The following ZNF462 variants were observed in gnomAD, a reference collection of about 807,000 sequenced individuals.
The protein encoded by ZNF462 is zinc finger PBX1-interacting protein.
A neutral mutation model predicts 201.9 loss-of-function variants in ZNF462; 10 were observed. The observed-to-expected ratio is 0.05, with a 90% CI of 0.03 to 0.08. ZNF462 has a LOEUF of 0.08. Among genes scored for constraint, ZNF462 ranks in the 10% least tolerant of loss-of-function variants. ZNF462 has a pLI of 1.00. For synonymous variants in ZNF462, 1,227 were observed against 1,193.3 expected, an observed-to-expected ratio of 1.03 and a Z score of -0.58; for missense variants, 2,523 against 3,168.3, an observed-to-expected ratio of 0.80 and a Z score of 4.89.
At chr9:106,900,145 T>C (rs960570896) in intron 1 of ZNF462, among the ~76,000 whole-genome samples, 1 of 152,030 alleles carries the variant, frequency 6.6e-6, no homozygotes, top group Non-Finnish European at 1.5e-5. Flanking sequence ...TCCAGTCTTA[T>C]CCAGGTCACT....
intron 1 of ZNF462, among the ~76,000 whole-genome samples, chr9:106,873,684 T>C (rs1827699774): frequency 6.6e-6 from 1 of 152,184 alleles, no homozygotes; most frequent in Non-Finnish European, 1.5e-5. Flanking sequence ...GATGAGTGCT[T>C]TGGTTTTATT....
In ZNF462 at chr9:106,977,597, C is replaced by T. The variant is rs1028671921; in HGVS notation, c.6832+3324C>T. On this transcript the variant is annotated intron_variant, in intron 9 of 12. Coordinates refer to ENST00000277225, the MANE Select transcript of ZNF462 (RefSeq NM_021224.6). The surrounding 1 kb of genome is among the most constrained non-coding windows in gnomAD (Gnocchi z 4.6). ...GCAAACATTCATTATTTGCTTGTTA[C>T]GTGCCACGCTATGCTTGGTTCTTTG... Among the ~76,000 whole-genome samples the T allele has an allele frequency of 6.6e-6, 1 of 151,572 alleles. No homozygotes were observed. Among genetic ancestry groups the T allele is most frequent in the African/African-American group, 2.4e-5 (1 of 40,858 alleles).
At position 106,930,525 on chromosome 9, in the gene ZNF462, C is replaced by T. The variant is rs1830383302; in HGVS notation, c.5848C>T (p.Pro1950Ser). ...GATGGCTACCACTGTATTTTACCAG[C>T]CTTTTGGTCACTTAGAAGAGGTGCC... ...GAFADFKQER[P>S]FGHLEEVPKI... The change falls in exon 4 of 13, where the codon CCT becomes TCT. Residue 1950 changes from proline to serine, a missense_variant and splice_region_variant. By Grantham distance (74) the Pro-to-Ser change is moderately conservative. Around this residue, in one of 15 missense-constraint regions of ZNF462, gnomAD observed 107 missense variants for 187.7 expected, o/e 0.57. Transcript: ENST00000277225. The surrounding 1 kb of genome is among the most constrained non-coding windows in gnomAD (Gnocchi z 5.8). 1 of 1,614,048 alleles carries T rather than the reference C, an allele frequency of 6.2e-7. No individual in the cohort carries two copies. Among genetic ancestry groups the T allele is most frequent in the Non-Finnish European group, 8.5e-7 (1 of 1,179,956 alleles).
In ZNF462 at chr9:106,928,764, C is replaced by T. The variant is rs1830306624; in HGVS notation, c.4852C>T (p.Pro1618Ser). Residue 1618 changes from proline (P) to serine (S), a missense_variant, in exon 3 of 13, where the codon CCC becomes TCC. Coordinates refer to ENST00000277225, the MANE Select transcript of ZNF462 (RefSeq NM_021224.6). This position sits in a 1 kb window ranked among gnomAD's most constrained non-coding sequence, Gnocchi z 9.3. ...CCAGTCGCCCCCGAAGCTGCCAGTC[C>T]CCCTCGAGCCCGAGATGACCACTGA... ...FSQSPPKLPV[P>S]LEPEMTTEVS... 8 of 1,613,962 alleles carry T rather than the reference C, an allele frequency of 5.0e-6. No homozygotes were observed. Among genetic ancestry groups the T allele is most frequent in the Non-Finnish European group, 6.8e-6 (8 of 1,180,022 alleles).
intron 1 of ZNF462, among the ~76,000 whole-genome samples, chr9:106,898,514 T>C (rs550782392): frequency 6.6e-6 from 1 of 152,220 alleles, no homozygotes. Flanking sequence ...GCTACCAGCA[T>C]CTAGTGGGGA....
rs1829874363 is a variant in ZNF462 at position 107,010,528 on chromosome 9, A to G, written c.7314-295A>G. 6.6e-6 allele frequency among the ~76,000 whole-genome samples: 1 copy of G among 152,174 alleles called. No individual in the cohort carries two copies. The highest frequency in any genetic ancestry group is 1.5e-5 in the Non-Finnish European group (1 of 68,028). ...ATGACCCAGTAGAGAAAGTGACATAAAATGATTATGCTTATCTAGAAAGAA... is the reference window on the plus strand; with the variant it reads ...ATGACCCAGTAGAGAAAGTGACATAGAATGATTATGCTTATCTAGAAAGAA... On this transcript the variant is annotated intron_variant, in intron 12 of 12. Transcript: ENST00000277225. The surrounding 1 kb of genome is among the most constrained non-coding windows in gnomAD (Gnocchi z 4.6).
intron 1 of ZNF462, among the ~76,000 whole-genome samples, chr9:106,871,839 T>C (rs1304093308): frequency 6.6e-6 from 1 of 152,176 alleles, no homozygotes. Context: ...GAAAATGTGA[T>C]AGTCCTCTCT....
At chr9:107,002,635 C>T (rs1451335667) in intron 10 of ZNF462, among the ~76,000 whole-genome samples, 1 of 152,156 alleles carries the variant, frequency 6.6e-6, no homozygotes, top group Admixed American at 6.6e-5. Context: ...CCATAGTTAA[C>T]ACTTTTAAAG....
rs1195572638 is a variant in ZNF462 at position 106,924,900 on chromosome 9, A to C, written c.988A>C (p.Arg330=). 2 of 1,614,202 alleles carry C rather than the reference A, an allele frequency of 1.2e-6. No individual in the cohort carries two copies. The highest frequency in any genetic ancestry group is 2.2e-5 in the East Asian group (1 of 44,886). The change falls in exon 3 of 13, where the codon AGA becomes CGA. Residue 330 remains arginine (R), a synonymous_variant. Coordinates refer to ENST00000277225, the MANE Select transcript of ZNF462 (RefSeq NM_021224.6). This position sits in a 1 kb window ranked among gnomAD's most constrained non-coding sequence, Gnocchi z 6.2. ...FRGSMGNSIM[R]PNSSASKFSP... is the part of the protein sequence containing the mutation. Reference sequence around the variant, plus strand: ...GGGCTCCATGGGCAACTCCATCATGAGACCCAATTCTTCAGCTTCCAAGTT... The same window carrying C: ...GGGCTCCATGGGCAACTCCATCATGCGACCCAATTCTTCAGCTTCCAAGTT...
chr9:106,954,895 A>G lies in ZNF462; in HGVS notation c.6427+15788A>G, dbSNP rs1831508149. 6.6e-6 allele frequency among the ~76,000 whole-genome samples: 1 copy of G among 152,266 alleles called. No homozygotes were observed. The highest frequency in any genetic ancestry group is 2.1e-4 in the South Asian group (1 of 4,818). ...GGTTTTTGTTATTTTTTTATTCTGA[A>G]CAATGAATATAAGGCTGCTTCCTTC... is the stretch of plus-strand genomic sequence containing the variant. On this transcript the variant is annotated intron_variant, in intron 7 of 12. Transcript: ENST00000277225. The surrounding 1 kb of genome is among the most constrained non-coding windows in gnomAD (Gnocchi z 4.0).
At chr9:106,939,332 A>G (rs537286265) in intron 7 of ZNF462, among the ~76,000 whole-genome samples, 2 of 152,314 alleles carry the variant, frequency 1.3e-5, no homozygotes, top group East Asian at 3.9e-4. Context: ...TTCAGTGCTC[A>G]TGGGAGTGTT....
upstream of ZNF462, among the ~76,000 whole-genome samples, chr9:106,861,055 C>A (rs2130711502): frequency 6.6e-6 from 1 of 152,204 alleles, no homozygotes; most frequent in East Asian, 1.9e-4. Flanking sequence ...CCTCCCCCTC[C>A]TTTCTTCTCC....
rs921512132 is a variant in ZNF462, at chr9:106,905,169, C to T, written c.-30-18185C>T. Among the ~76,000 whole-genome samples the T allele has an allele frequency of 7.2e-5, 11 of 152,130 alleles. No individual in the cohort carries two copies. Among genetic ancestry groups the T allele is most frequent in the African/African-American group, 1.2e-4 (5 of 41,416 alleles). ...TCCTATGGATGTGGCTTCCTATGAG[C>T]CAAACTTCAGTGATTGTTATCTCTC... On this transcript the variant is annotated intron_variant, in intron 1 of 12. Coordinates refer to ENST00000277225, the MANE Select transcript of ZNF462 (RefSeq NM_021224.6). The surrounding 1 kb of genome is among the most constrained non-coding windows in gnomAD (Gnocchi z 5.9).
chr9:106,955,520 G>A (rs1030865302), intron 7 of ZNF462, among the ~76,000 whole-genome samples: 1 of 152,138 alleles, frequency 6.6e-6, no homozygotes, highest in Non-Finnish European at 1.5e-5. Flanking sequence ...TGAGGATTGG[G>A]AGTAGCTGTG....
At position 106,925,034 on chromosome 9, in the gene ZNF462, T is replaced by C. The variant is rs369455547; in HGVS notation, c.1122T>C (p.Ser374=). The C allele has an allele frequency of 4.2e-5, 68 of 1,614,062 alleles. No homozygotes were observed. Among genetic ancestry groups the C allele is most frequent in the African/African-American group, 2.7e-4 (20 of 74,932 alleles). The change falls in exon 3 of 13, where the codon TCT becomes TCC. Residue 374 remains serine, a synonymous_variant. Coordinates refer to ENST00000277225, the MANE Select transcript of ZNF462 (RefSeq NM_021224.6). The surrounding 1 kb of genome is among the most constrained non-coding windows in gnomAD (Gnocchi z 7.9). ...GAATGACTGACATGACCAATTCTTCTGCTGACCTGGAAACTAACAGCATGC... is the reference window on the plus strand; with the variant it reads ...GAATGACTGACATGACCAATTCTTCCGCTGACCTGGAAACTAACAGCATGC... ...RYGMTDMTNS[S]ADLETNSMLN...
chr9:106,973,713 TC>T (rs1443704892), intron 8 of ZNF462, among the ~76,000 whole-genome samples: 2 of 147,888 alleles, frequency 1.4e-5, no homozygotes, highest in African/African-American at 5.1e-5. Context: ...GGACAACTTG[TC>T]CTCCCCCCCT....
chr9:106,926,175 T>C lies in ZNF462; in HGVS notation c.2263T>C (p.Phe755Leu), dbSNP rs1830185151. 6.2e-7 allele frequency: 1 copy of C among 1,614,164 alleles called. No homozygotes were observed. Reference protein sequence around the residue: ...TEPIIEVPTSFSAQQIWVRDT... With the variant: ...TEPIIEVPTSLSAQQIWVRDT... ...ACCCATCATAGAGGTTCCCACTTCC[T>C]TTTCTGCCCAACAGATATGGGTAAG... is the stretch of plus-strand genomic sequence containing the variant. Residue 755 changes from phenylalanine (F) to leucine (L), a missense_variant, in exon 3 of 13, where the codon TTT (phenylalanine) becomes CTT (leucine). Physicochemically the swap from Phe to Leu is conservative, Grantham distance 22 (BLOSUM62 0). Coordinates refer to ENST00000277225, the MANE Select transcript of ZNF462 (RefSeq NM_021224.6). The surrounding 1 kb of genome is among the most constrained non-coding windows in gnomAD (Gnocchi z 7.9).
At chr9:106,888,965 T>G (rs1828450532) in intron 1 of ZNF462, among the ~76,000 whole-genome samples, 1 of 152,210 alleles carries the variant, frequency 6.6e-6, no homozygotes, top group African/African-American at 2.4e-5. Context: ...TACTTTTAAT[T>G]CCTTTTCCTC....
rs756003963 is a variant in ZNF462 at position 106,974,241 on chromosome 9, G to A, written c.6800G>A (p.Arg2267His). The change falls in exon 9 of 13, where the codon CGC (arginine) becomes CAC (histidine). Residue 2267 changes from arginine (R) to histidine (H), a missense_variant. By Grantham distance (29) the Arg-to-His change is conservative. Around this residue, in one of 15 missense-constraint regions of ZNF462, gnomAD observed 228 missense variants for 361.2 expected, o/e 0.63. Coordinates refer to ENST00000277225, the MANE Select transcript of ZNF462 (RefSeq NM_021224.6). The surrounding 1 kb of genome is among the most constrained non-coding windows in gnomAD (Gnocchi z 4.0). ...TGCCTCTATCACACCAAATACAAGC[G>A]CAACATGATTGACCACATCGTGCTG... ...PLCLYHTKYK[R>H]NMIDHIVLHR... The A allele has an allele frequency of 6.2e-6, 10 of 1,614,056 alleles. No homozygotes were observed. The highest frequency in any genetic ancestry group is 1.6e-4 in the Middle Eastern group (1 of 6,062).
Sources: allele counts gnomAD v4.1 joint callset (sites outside exome capture counted in the v4.1 genomes callset), GRCh38; gene constraint gnomAD v4.1.1; regional missense constraint gnomAD v4.1.1; non-coding constraint Gnocchi (gnomAD v3.1); transcripts MANE v1.5; gene names NCBI Gene and HGNC (gene_info 2026-07-23, HGNC 2026-07-21).